PRRX1: variants seen among roughly 807,000 people sequenced by gnomAD.
PRRX1 encodes the protein paired mesoderm homeobox protein 1.
PRRX1 carries 8 observed loss-of-function variants against 24.0 expected under a neutral mutation model. The ratio of observed to expected loss-of-function variants is 0.33; its 90% CI spans 0.20 to 0.60. The LOEUF (loss-of-function observed/expected upper bound fraction) is 0.60. Ranked by LOEUF, PRRX1 falls within the 20% of genes least tolerant of loss-of-function variation. PRRX1 has a pLI of 0.82. For missense variants in PRRX1, 281 were observed against 322.4 expected (o/e 0.87, Z 0.98); for synonymous variants, 160 against 131.7 (o/e 1.22, Z -1.47).
chr1:170,666,417 C>CAA (rs35075394), intron 1 of PRRX1, among the ~76,000 whole-genome samples: 13,189 of 75,618 alleles, frequency 0.17, 1,875 homozygotes, highest in African/African-American at 0.32. Flanking sequence ...GACTCCGTCT[C>CAA]AAAAAAAAAA....
intron 1 of PRRX1, among the ~76,000 whole-genome samples, chr1:170,665,313 C>A (rs554372258): frequency 6.6e-6 from 1 of 152,194 alleles, no homozygotes. Context: ...CCATCCTCAC[C>A]GACCAACCTC....
chr1:170,711,339 T>TG (rs1654741435), intron 1 of PRRX1, among the ~76,000 whole-genome samples: 2 of 152,194 alleles, frequency 1.3e-5, no homozygotes, highest in Non-Finnish European at 2.9e-5. Flanking sequence ...TATAAGCACC[T>TG]TGTCCTTTTA....
intron 2 of PRRX1, 124 bp from the exon 3 acceptor site, chr1:170,726,096 A>G: frequency 1.1e-6 from 1 of 941,912 alleles, no homozygotes; most frequent in Non-Finnish European, 1.7e-6. Flanking sequence ...TTCCATAGCC[A>G]TCTTATATCT....
At chr1:170,721,149 T>C (rs1446171948) in intron 2 of PRRX1, among the ~76,000 whole-genome samples, 1 of 152,160 alleles carries the variant, frequency 6.6e-6, no homozygotes, top group Non-Finnish European at 1.5e-5. Context: ...CCAAAAAAAC[T>C]GAATGAATAA....
intron 3 of PRRX1, chr1:170,728,762 A>G (rs1323590010): frequency 6.6e-6 from 1 of 152,232 alleles, no homozygotes; most frequent in Non-Finnish European, 1.5e-5. Context: ...TTCTAAAAGT[A>G]GCAAAAAGCT....
At chr1:170,665,446 G>A (rs1183120234) in intron 1 of PRRX1, among the ~76,000 whole-genome samples, 1 of 152,190 alleles carries the variant, frequency 6.6e-6, no homozygotes, top group Non-Finnish European at 1.5e-5. Context: ...GGCCAGATAT[G>A]TACAGATACT....
In PRRX1 at chr1:170,739,277, A is replaced by G; in HGVS notation, c.*3091A>G. Reference sequence around the variant, plus strand: ...CTTAATAAAAAAGGGAATGACATTTAGGGTATAAAGATCTCATAAGAAATG... The same window carrying G: ...CTTAATAAAAAAGGGAATGACATTTGGGGTATAAAGATCTCATAAGAAATG... On this transcript the variant is annotated 3_prime_UTR_variant, in exon 4 of 4. Coordinates refer to ENST00000239461, the MANE Select transcript of PRRX1 (RefSeq NM_022716.4). The G allele has an allele frequency of 5.3e-6, 1 of 190,458 alleles. No homozygotes were observed. Among genetic ancestry groups the G allele is most frequent in the East Asian group, 8.4e-5 (1 of 11,888 alleles). 11.8% of individuals were successfully genotyped at this position (190,458 alleles called of 1,614,324 possible). A position where few individuals can be genotyped will look rare whatever the true frequency, so the allele number is the denominator to read the frequency against.
chr1:170,735,787 T>A (rs1418631609), intron 3 of PRRX1, among the ~76,000 whole-genome samples: 2 of 152,166 alleles, frequency 1.3e-5, no homozygotes, highest in African/African-American at 4.8e-5. Context: ...CATTACTCAC[T>A]GTATCCACCA....
chr1:170,736,495 C>A lies in PRRX1; in HGVS notation c.*309C>A. On this transcript the variant is annotated 3_prime_UTR_variant, in exon 4 of 4. Coordinates refer to ENST00000239461, the MANE Select transcript of PRRX1 (RefSeq NM_022716.4). ...TCTTCAGCTAGGTTCAGCCCACCCA[C>A]CCCCATGATTGTATGAAGTTTTAAA... The A allele has an allele frequency of 2.5e-6, 1 of 400,450 alleles. No individual in the cohort carries two copies. 24.8% of individuals were successfully genotyped at this position (400,450 alleles called of 1,614,324 possible).
chr1:170,723,228 ACCCAGGC>A (rs765347413), intron 2 of PRRX1, among the ~76,000 whole-genome samples: 45 of 152,238 alleles, frequency 3.0e-4, no homozygotes, highest in South Asian at 8.3e-4. Context: ...GCCAATTTCC[ACCCAGGC>A]CCTTCATGCT....
intron 1 of PRRX1, among the ~76,000 whole-genome samples, chr1:170,685,905 G>C (rs1653717096): frequency 6.6e-6 from 1 of 151,856 alleles, no homozygotes; most frequent in South Asian, 2.1e-4. Flanking sequence ...TTACAAGTCA[G>C]ACTATTGAGA....
intron 1 of PRRX1, among the ~76,000 whole-genome samples, chr1:170,711,969 G>A (rs1654765775): frequency 6.6e-6 from 1 of 152,178 alleles, no homozygotes; most frequent in Admixed American, 6.6e-5. Flanking sequence ...TGAATAAATA[G>A]TGAGTAATAT....
At chr1:170,726,685 T>C (rs1655269024) in intron 3 of PRRX1, 1 of 388,410 alleles carries the variant, frequency 2.6e-6, no homozygotes. Flanking sequence ...AAAGAAAAGA[T>C]CATTAAGCTG....
At chr1:170,732,110 C>T (rs1655455355) in intron 3 of PRRX1, among the ~76,000 whole-genome samples, 2 of 152,182 alleles carry the variant, frequency 1.3e-5, no homozygotes, top group Admixed American at 1.3e-4. Context: ...TGTGCTTAAT[C>T]TGTACAAATC....
chr1:170,685,961 A>G (rs1195334237), intron 1 of PRRX1, among the ~76,000 whole-genome samples: 1 of 152,116 alleles, frequency 6.6e-6, no homozygotes, highest in Non-Finnish European at 1.5e-5. Flanking sequence ...AATTGGACAT[A>G]TACCTGTTCA....
intron 3 of PRRX1, 104 bp downstream of exon 3, chr1:170,726,505 T>C (rs1255559733): frequency 7.3e-7 from 1 of 1,370,642 alleles, no homozygotes; most frequent in African/African-American, 1.4e-5. Flanking sequence ...CTTACTGGGT[T>C]AATCTCTTCA....
chr1:170,694,222 T>A (rs1654085818), intron 1 of PRRX1, among the ~76,000 whole-genome samples: 1 of 152,130 alleles, frequency 6.6e-6, no homozygotes, highest in Non-Finnish European at 1.5e-5. Flanking sequence ...ATCAATTTTT[T>A]AAAATGAATT....
At position 170,719,835 on chromosome 1, in the gene PRRX1, C is replaced by A. The variant is rs752202563; in HGVS notation, c.351C>A (p.His117Gln). Reference protein sequence around the residue: ...QALERVFERTHYPDAFVREDL... With the variant: ...QALERVFERTQYPDAFVREDL... ...TGGAGCGTGTCTTTGAGCGGACACA[C>A]TATCCTGATGCTTTTGTGCGAGAAG... Residue 117 changes from histidine to glutamine, a missense_variant, in exon 2 of 4, where the codon CAC becomes CAA. His to Gln is a conservative substitution (Grantham distance 24). Transcript: ENST00000239461. 6.2e-7 allele frequency: 1 copy of A among 1,614,214 alleles called. No individual in the cohort carries two copies. Among genetic ancestry groups the A allele is most frequent in the Admixed American group, 1.7e-5 (1 of 60,028 alleles).
intron 1 of PRRX1, among the ~76,000 whole-genome samples, chr1:170,711,082 T>C (rs182878752): frequency 3.2e-4 from 49 of 152,372 alleles, no homozygotes; most frequent in African/African-American, 1.1e-3. Context: ...TTTGAATTTT[T>C]GTTCTTTAAA....
Sources: gnomAD v4.1 joint callset for allele counts (sites outside exome capture counted in the v4.1 genomes callset) on GRCh38, gnomAD v4.1.1 for gene constraint, MANE v1.5 for transcripts, NCBI Gene and HGNC (gene_info 2026-07-23, HGNC 2026-07-21) for gene names.